Variants in ATRNL1 observed in about 807,000 individuals in gnomAD.
ATRNL1 encodes attractin like 1.
ATRNL1 carries 95 observed loss-of-function variants against 182.7 expected under a neutral mutation model. The ratio of observed to expected loss-of-function variants is 0.52; its 90% CI spans 0.44 to 0.62. The LOEUF (loss-of-function observed/expected upper bound fraction) is 0.62, where lower values mean the gene tolerates loss of function less well. ATRNL1 is among the 20% of genes least tolerant of loss of function. The pLI, the probability that ATRNL1 is intolerant of heterozygous loss-of-function variation, is 0.00. For missense variants in ATRNL1, 1,471 were observed against 1,679.5 expected, an observed-to-expected ratio of 0.88 and a Z score of 2.17; for synonymous variants, 576 against 568.3, an observed-to-expected ratio of 1.01 and a Z score of -0.19.
chr10:115,262,199 G>A (rs1442343037), intron 10 of ATRNL1, among the ~76,000 whole-genome samples: 1 of 148,864 alleles, frequency 6.7e-6, no homozygotes, highest in Non-Finnish European at 1.5e-5. Flanking sequence ...GATAAACCTT[G>A]TAGAAATATT....
At chr10:115,476,023 AG>A (rs1393134405) in intron 24 of ATRNL1, among the ~76,000 whole-genome samples, 1 of 151,326 alleles carries the variant, frequency 6.6e-6, no homozygotes, top group Non-Finnish European at 1.5e-5. Flanking sequence ...CGTTGATTTT[AG>A]AACTTTTCTT....
In ATRNL1 at chr10:115,390,471, G is replaced by A. The variant is rs549392800; in HGVS notation, c.3176-4188G>A. On this transcript the variant is annotated intron_variant, in intron 19 of 28. Coordinates refer to ENST00000355044, the MANE Select transcript of ATRNL1 (RefSeq NM_207303.4). ...TCCATTGTGTGTTCTTGACACTTTTGTCAAAAATCAGTAGATTGTCAGTGC... is the reference window on the plus strand; with the variant it reads ...TCCATTGTGTGTTCTTGACACTTTTATCAAAAATCAGTAGATTGTCAGTGC... 2.8e-4 allele frequency among the ~76,000 whole-genome samples: 42 copies of A among 152,110 alleles called. No homozygotes were observed. The South Asian group carries it at 3.7e-3, about 14-fold the overall frequency.
chr10:115,516,442 T>C (rs935912946), intron 24 of ATRNL1, among the ~76,000 whole-genome samples: 1 of 151,912 alleles, frequency 6.6e-6, no homozygotes, highest in Non-Finnish European at 1.5e-5. Flanking sequence ...TGCAAGCTAC[T>C]ATTGCCTTAT....
intron 21 of ATRNL1, among the ~76,000 whole-genome samples, chr10:115,449,311 A>T (rs1554967230): frequency 6.6e-6 from 1 of 152,168 alleles, no homozygotes; most frequent in African/African-American, 2.4e-5. Context: ...GACGGGGAAT[A>T]TCAGAGGAGA....
intron 9 of ATRNL1, among the ~76,000 whole-genome samples, chr10:115,236,985 G>C (rs1299452266): frequency 3.3e-5 from 5 of 152,066 alleles, no homozygotes; most frequent in African/African-American, 1.2e-4. Flanking sequence ...ATGTCATAAA[G>C]CTGGAATCAT....
intron 27 of ATRNL1, among the ~76,000 whole-genome samples, chr10:115,729,434 T>TA (rs1947717330): frequency 1.3e-5 from 2 of 152,138 alleles, no homozygotes; most frequent in South Asian, 4.1e-4. Context: ...CTCTGTTTTT[T>TA]ATTGATGTTA....
intron 26 of ATRNL1, among the ~76,000 whole-genome samples, chr10:115,628,967 A>G (rs776068184): frequency 6.6e-6 from 1 of 152,112 alleles, no homozygotes; most frequent in Non-Finnish European, 1.5e-5. Flanking sequence ...CTATAGATGT[A>G]TGAGTTTATC....
At chr10:115,220,756 G>T (rs1394327454) in intron 9 of ATRNL1, among the ~76,000 whole-genome samples, 1 of 129,628 alleles carries the variant, frequency 7.7e-6, no homozygotes, top group South Asian at 2.7e-4. Context: ...GGCAGTGCCC[G>T]CATGGACTAA....
At chr10:115,265,516 A>T (rs1851572960) in intron 11 of ATRNL1, among the ~76,000 whole-genome samples, 1 of 151,656 alleles carries the variant, frequency 6.6e-6, no homozygotes, top group Non-Finnish European at 1.5e-5. Flanking sequence ...AAGACATCAG[A>T]TACCCTTTTA....
At chr10:115,303,953 G>A (rs1029465611) in intron 17 of ATRNL1, among the ~76,000 whole-genome samples, 43 of 152,274 alleles carry the variant, frequency 2.8e-4, no homozygotes, top group African/African-American at 1.0e-3. Context: ...CTCTCCAGGG[G>A]ATCTTTATCC....
chr10:115,214,785 T>TA (rs1849166103), intron 8 of ATRNL1, among the ~76,000 whole-genome samples: 1 of 152,168 alleles, frequency 6.6e-6, no homozygotes, highest in Admixed American at 6.6e-5. Context: ...ATCCCTTGCA[T>TA]ATGATTGGTG....
At chr10:115,336,777 A>T (rs1437930274) in intron 19 of ATRNL1, among the ~76,000 whole-genome samples, 12 of 152,162 alleles carry the variant, frequency 7.9e-5, no homozygotes, top group Admixed American at 7.9e-4. Context: ...CTTGAGAATG[A>T]CTTTTTAGCA....
chr10:115,445,089 C>T (rs1407237829), intron 21 of ATRNL1, among the ~76,000 whole-genome samples: 1 of 151,900 alleles, frequency 6.6e-6, no homozygotes, highest in Admixed American at 6.6e-5. Flanking sequence ...ATATATTTTC[C>T]ATAAATATTA....
intron 28 of ATRNL1, among the ~76,000 whole-genome samples, chr10:115,919,631 T>C (rs1181695713): frequency 6.6e-6 from 1 of 152,182 alleles, no homozygotes; most frequent in East Asian, 1.9e-4. Context: ...TATACATATA[T>C]GTATACATAT....
At chr10:115,891,048 T>G (rs1952067901) in intron 28 of ATRNL1, among the ~76,000 whole-genome samples, 1 of 152,220 alleles carries the variant, frequency 6.6e-6, no homozygotes, top group South Asian at 2.1e-4. Context: ...GAGCATCTCT[T>G]GCCTACAGCA....
At chr10:115,350,948 G>A (rs1186702397) in intron 19 of ATRNL1, among the ~76,000 whole-genome samples, 1 of 151,902 alleles carries the variant, frequency 6.6e-6, no homozygotes, top group African/African-American at 2.4e-5. Context: ...TCTTTCATCA[G>A]TGTTTTATAG....
chr10:115,535,638 C>G (rs1369987737), intron 25 of ATRNL1, among the ~76,000 whole-genome samples: 2 of 152,146 alleles, frequency 1.3e-5, no homozygotes, highest in African/African-American at 2.4e-5. Context: ...CAGCTTTGTT[C>G]CGTTGCTGGT....
intron 19 of ATRNL1, among the ~76,000 whole-genome samples, chr10:115,352,218 A>G (rs1298349898): frequency 6.6e-6 from 1 of 151,814 alleles, no homozygotes; most frequent in African/African-American, 2.4e-5. Flanking sequence ...AGTGTAGCTA[A>G]AAGTTTATAA....
chr10:115,343,024 C>G (rs1855821623), intron 19 of ATRNL1, among the ~76,000 whole-genome samples: 2 of 152,070 alleles, frequency 1.3e-5, no homozygotes, highest in South Asian at 4.2e-4. Flanking sequence ...TGTTGCTTTT[C>G]CCTTGCTGCT....
Sources: allele counts gnomAD v4.1 joint callset (sites outside exome capture counted in the v4.1 genomes callset), GRCh38; gene constraint gnomAD v4.1.1; transcripts MANE v1.5; gene names NCBI Gene and HGNC (gene_info 2026-07-23, HGNC 2026-07-21).